The following GPATCH1 variants were observed in gnomAD, a reference collection of about 807,000 sequenced individuals.
GPATCH1 encodes G patch domain-containing protein 1.
GPATCH1 carries 73 observed loss-of-function variants against 114.9 expected under a neutral mutation model. The observed-to-expected ratio is 0.64, with a 90% CI of 0.53 to 0.77. The LOEUF (loss-of-function observed/expected upper bound fraction) is 0.77. Among genes scored for constraint, GPATCH1 ranks in the 30% least tolerant of loss-of-function variants. GPATCH1 has a pLI of 0.00. For synonymous variants in GPATCH1, 391 were observed against 428.4 expected (o/e 0.91, Z 1.08); for missense variants, 1,058 against 1,144.3 (o/e 0.92, Z 1.09).
chr19:33,107,409 T>G (rs569031188), intron 10 of GPATCH1, among the ~76,000 whole-genome samples: 1 of 152,172 alleles, frequency 6.6e-6, no homozygotes, highest in Non-Finnish European at 1.5e-5. Context: ...ATCACAACTT[T>G]TGTTGTAAGC....
chr19:33,081,944 G>C (rs1348149677), intron 1 of GPATCH1, among the ~76,000 whole-genome samples: 1 of 120,122 alleles, frequency 8.3e-6, no homozygotes, highest in Non-Finnish European at 1.7e-5. Flanking sequence ...CTGACTTCAA[G>C]TGATCCTCTC....
In GPATCH1 at chr19:33,097,910, G is replaced by A. The variant is rs745419491; in HGVS notation, c.1000+8G>A. 127 of 1,613,076 alleles carry A rather than the reference G, an allele frequency of 7.9e-5. No homozygotes were observed. The highest frequency in any genetic ancestry group is 1.1e-4 in the Non-Finnish European group (124 of 1,179,638). On this transcript the variant is annotated splice_region_variant and intron_variant, in intron 8 of 19. Transcript: ENST00000170564. ...AGTATAAAAACCAGAAAGGTAATTC[G>A]ACAGCCACAAACCTAATGGCAGGAC...
At chr19:33,100,898 T>G (rs1221562599) in intron 8 of GPATCH1, among the ~76,000 whole-genome samples, 1 of 152,166 alleles carries the variant, frequency 6.6e-6, no homozygotes, top group Non-Finnish European at 1.5e-5. Context: ...GAGCTTTTGT[T>G]GGTGGGGTTG....
At chr19:33,095,509 C>T (rs922236561) in intron 5 of GPATCH1, among the ~76,000 whole-genome samples, 6 of 151,756 alleles carry the variant, frequency 4.0e-5, no homozygotes, top group Non-Finnish European at 5.9e-5. Flanking sequence ...TGATCCACCC[C>T]GCCTCAGCCT....
intron 17 of GPATCH1, among the ~76,000 whole-genome samples, chr19:33,121,851 A>C (rs1972988578): frequency 6.6e-6 from 1 of 152,196 alleles, no homozygotes; most frequent in South Asian, 2.1e-4. Flanking sequence ...TAACATAAAA[A>C]TATCATTATT....
intron 17 of GPATCH1, among the ~76,000 whole-genome samples, chr19:33,123,861 CT>C (rs1199482309): frequency 6.8e-6 from 1 of 147,132 alleles, no homozygotes; most frequent in Non-Finnish European, 1.5e-5. Flanking sequence ...TTCTTTTTTT[CT>C]TTTTTTTCTT....
At chr19:33,129,232 G>T (rs1047211115) in intron 19 of GPATCH1, among the ~76,000 whole-genome samples, 1 of 150,748 alleles carries the variant, frequency 6.6e-6, no homozygotes, top group Non-Finnish European at 1.5e-5. Context: ...GGGTGACAGA[G>T]ACTCTGTCTC....
intron 19 of GPATCH1, among the ~76,000 whole-genome samples, chr19:33,128,001 C>T (rs1973062287): frequency 1.3e-5 from 2 of 152,138 alleles, no homozygotes; most frequent in Non-Finnish European, 1.5e-5. Context: ...CAGGTGTGAA[C>T]CACCATGCCT....
chr19:33,109,979 C>A lies in GPATCH1; in HGVS notation c.1548C>A (p.Tyr516Ter). The change falls in exon 11 of 20, where the codon TAC becomes TAA. Residue 516 changes from tyrosine to a stop codon, truncating the protein, a stop_gained. Transcript: ENST00000170564. LOFTEE classifies it high-confidence loss of function. ...AAGATCCGGAAAAGCAAAAGCGATA[C>A]GACGAGTTCTTAGTACACATGAAAC... Reference protein sequence around the residue: ...FAKDPEKQKRYDEFLVHMKQG... With the variant: ...FAKDPEKQKR The A allele has an allele frequency of 6.2e-7, 1 of 1,613,572 alleles. No individual in the cohort carries two copies. Among genetic ancestry groups the A allele is most frequent in the Non-Finnish European group, 8.5e-7 (1 of 1,179,798 alleles).
chr19:33,083,716 G>C (rs1294166509), intron 1 of GPATCH1, among the ~76,000 whole-genome samples: 2 of 151,902 alleles, frequency 1.3e-5, no homozygotes, highest in Non-Finnish European at 2.9e-5. Flanking sequence ...TTTTGAAGTG[G>C]AAGGAAAGGA....
At chr19:33,120,620 C>G (rs1972972467) in intron 17 of GPATCH1, among the ~76,000 whole-genome samples, 1 of 149,884 alleles carries the variant, frequency 6.7e-6, no homozygotes, top group Non-Finnish European at 1.5e-5. Context: ...GTTTGGGAGG[C>G]CAAGGCAGAC....
Position 33,085,527 on chromosome 19 carries a change from A to T in GPATCH1, c.74-2607A>T, listed in dbSNP as rs370543615. ...GCACCTGACTCCCCCACCCTTTAAAAAAAATGTAACCATTAGCCAACCAGG... is the reference window on the plus strand; with the variant it reads ...GCACCTGACTCCCCCACCCTTTAAATAAAATGTAACCATTAGCCAACCAGG... On this transcript the variant is annotated intron_variant, in intron 1 of 19. Coordinates refer to ENST00000170564, the MANE Select transcript of GPATCH1 (RefSeq NM_018025.3). Among the ~76,000 whole-genome samples the T allele has an allele frequency of 2.2e-4, 33 of 152,224 alleles. No homozygotes were observed. The South Asian group carries it at 6.8e-3, about 32-fold the overall frequency.
chr19:33,119,935 A>C (rs1280400850), intron 17 of GPATCH1, among the ~76,000 whole-genome samples: 3 of 144,712 alleles, frequency 2.1e-5, no homozygotes, highest in Admixed American at 7.0e-5. Context: ...AAAATTATAT[A>C]TATTTTTATA....
chr19:33,128,462 G>A (rs978786518), intron 19 of GPATCH1, among the ~76,000 whole-genome samples: 31 of 152,106 alleles, frequency 2.0e-4, no homozygotes, highest in African/African-American at 6.0e-4. Flanking sequence ...GGGTTTCACC[G>A]TGTTAGCCAG....
chr19:33,097,723 T>C, intron 7 of GPATCH1, 32 bp from the exon 8 acceptor site: 1 of 1,607,212 alleles, frequency 6.2e-7, no homozygotes, highest in Non-Finnish European at 8.5e-7. Flanking sequence ...CCCTAACACC[T>C]GTGCTCAGTT....
intron 9 of GPATCH1, among the ~76,000 whole-genome samples, chr19:33,104,244 G>A (rs994393128): frequency 6.6e-6 from 1 of 151,258 alleles, no homozygotes; most frequent in Admixed American, 6.6e-5. Context: ...GGGGCCTGAG[G>A]TGGGAGGATT....
intron 9 of GPATCH1, among the ~76,000 whole-genome samples, chr19:33,105,261 G>A (rs1041373108): frequency 2.0e-5 from 3 of 151,060 alleles, no homozygotes; most frequent in Non-Finnish European, 3.0e-5. Context: ...GTGAAACCCC[G>A]TCTCTACTAA....
intron 9 of GPATCH1, among the ~76,000 whole-genome samples, chr19:33,105,525 T>TA (rs1309979818): frequency 1.3e-5 from 2 of 151,884 alleles, no homozygotes; most frequent in Non-Finnish European, 2.9e-5. Context: ...TTATTATTAT[T>TA]ATTAATTATT....
chr19:33,117,046 A>C (rs1972923834), intron 15 of GPATCH1, among the ~76,000 whole-genome samples: 1 of 151,822 alleles, frequency 6.6e-6, no homozygotes, highest in Non-Finnish European at 1.5e-5. Flanking sequence ...AAATTAAAAA[A>C]CTAGTTGGGT....
Sources: allele counts gnomAD v4.1 joint callset (sites outside exome capture counted in the v4.1 genomes callset), GRCh38; gene constraint gnomAD v4.1.1; transcripts MANE v1.5; gene names NCBI Gene and HGNC (gene_info 2026-07-23, HGNC 2026-07-21).